Variants in ZNF385D observed in about 807,000 individuals in gnomAD.
ZNF385D encodes the protein zinc finger protein 385D.
A neutral mutation model predicts 35.8 loss-of-function variants in ZNF385D; 15 were observed. That is an observed-to-expected ratio of 0.42 (90% CI 0.28 to 0.64). The LOEUF (loss-of-function observed/expected upper bound fraction) is 0.64, where lower values mean the gene tolerates loss of function less well. Ranked by LOEUF, ZNF385D falls within the 30% of genes least tolerant of loss-of-function variation. The pLI, the probability that ZNF385D is intolerant of heterozygous loss-of-function variation, is 0.23. For missense variants in ZNF385D, 474 were observed against 494.6 expected, an observed-to-expected ratio of 0.96 and a Z score of 0.39; for synonymous variants, 212 against 186.8, an observed-to-expected ratio of 1.13 and a Z score of -1.10.
intron 1 of ZNF385D, among the ~76,000 whole-genome samples, chr3:21,745,295 T>C (rs1031822344): frequency 2.0e-5 from 3 of 152,138 alleles, no homozygotes; most frequent in Non-Finnish European, 2.9e-5. Context: ...AACTGAAAGA[T>C]TGATAAGAAA....
intron 1 of ZNF385D, among the ~76,000 whole-genome samples, chr3:21,701,493 A>T (rs1370060816): frequency 6.6e-6 from 1 of 152,102 alleles, no homozygotes; most frequent in Non-Finnish European, 1.5e-5. Flanking sequence ...TTGGGTGGGG[A>T]CACAGCAAAA....
chr3:21,835,068 CT>C (rs1695243689), intron 3 of ZNF385D, among the ~76,000 whole-genome samples: 2 of 152,104 alleles, frequency 1.3e-5, no homozygotes, highest in South Asian at 4.1e-4. Flanking sequence ...CCTAAATAAA[CT>C]CACTTGTTTA....
chr3:21,907,148 T>C (rs17010055), intron 3 of ZNF385D, among the ~76,000 whole-genome samples: 8,268 of 152,212 alleles, frequency 0.054, 371 homozygotes, highest in South Asian at 0.19. Context: ...AGTCGGGCAA[T>C]CCAATGGTCT....
chr3:21,950,212 G>A (rs1201736015), intron 3 of ZNF385D, among the ~76,000 whole-genome samples: 18 of 151,752 alleles, frequency 1.2e-4, no homozygotes, highest in Admixed American at 3.3e-4. Flanking sequence ...ATCTTCTCCA[G>A]TATCTGTTGT....
chr3:21,798,871 C>T (rs573506869), intron 3 of ZNF385D, among the ~76,000 whole-genome samples: 15 of 152,092 alleles, frequency 9.9e-5, no homozygotes, highest in African/African-American at 3.6e-4. Flanking sequence ...ACTAAATTCA[C>T]AATGTTGTGC....
At chr3:22,194,743 A>T (rs1038663730) in intron 2 of ZNF385D, among the ~76,000 whole-genome samples, 1 of 151,930 alleles carries the variant, frequency 6.6e-6, no homozygotes. Flanking sequence ...TAGGTAGAAT[A>T]AAAAAGTGTG....
At chr3:22,351,291 T>A (rs564831086) in intron 2 of ZNF385D, among the ~76,000 whole-genome samples, 36 of 152,176 alleles carry the variant, frequency 2.4e-4, no homozygotes, top group African/African-American at 8.4e-4. Flanking sequence ...AGCCCCTCCC[T>A]AGAAAGCATA....
chr3:22,339,234 G>C (rs1367361777), intron 2 of ZNF385D, among the ~76,000 whole-genome samples: 2 of 152,038 alleles, frequency 1.3e-5, no homozygotes, highest in Non-Finnish European at 2.9e-5. Context: ...TAATATAAAA[G>C]CTTGCCACCA....
At chr3:21,495,418 T>A (rs2125417967) in intron 4 of ZNF385D, among the ~76,000 whole-genome samples, 1 of 152,108 alleles carries the variant, frequency 6.6e-6, no homozygotes, top group Admixed American at 6.6e-5. Context: ...AACCTTATAG[T>A]TACATGGAAA....
At chr3:22,122,389 C>T (rs1703137699) in intron 3 of ZNF385D, among the ~76,000 whole-genome samples, 1 of 151,890 alleles carries the variant, frequency 6.6e-6, no homozygotes, top group South Asian at 2.1e-4. Context: ...GATCTCATTT[C>T]CCAATAATAG....
At chr3:22,119,832 T>G (rs1005196019) in intron 3 of ZNF385D, among the ~76,000 whole-genome samples, 7 of 151,930 alleles carry the variant, frequency 4.6e-5, no homozygotes, top group African/African-American at 1.4e-4. Flanking sequence ...TACTGCATAT[T>G]AGGTATTGCG....
At chr3:21,931,145 T>C (rs1383748818) in intron 3 of ZNF385D, among the ~76,000 whole-genome samples, 1 of 152,060 alleles carries the variant, frequency 6.6e-6, no homozygotes, top group African/African-American at 2.4e-5. Flanking sequence ...GGAGAAAGGA[T>C]CTGATTGAAA....
At chr3:22,166,904 CA>C (rs1347147886) in intron 3 of ZNF385D, among the ~76,000 whole-genome samples, 11 of 152,336 alleles carry the variant, frequency 7.2e-5, no homozygotes, top group Admixed American at 7.2e-4. Context: ...TTAAAGAAAA[CA>C]ACTTGGAATT....
Position 21,421,454 on chromosome 3 carries a change from G to T in ZNF385D, c.955-7C>A. 6.3e-7 allele frequency: 1 copy of T among 1,594,646 alleles called. No homozygotes were observed. Among genetic ancestry groups the T allele is most frequent in the Non-Finnish European group, 8.6e-7 (1 of 1,166,490 alleles). On this transcript the variant is annotated splice_polypyrimidine_tract_variant and splice_region_variant and intron_variant, in intron 7 of 7. Transcript: ENST00000281523. Reference sequence around the variant, plus strand: ...TTGAAAATACTAATTTTACCTGCAAGGGAGAAAAAATATTGTAAAAAAAAC... The same window carrying T: ...TTGAAAATACTAATTTTACCTGCAATGGAGAAAAAATATTGTAAAAAAAAC...
chr3:22,189,799 A>G (rs1695893694), intron 2 of ZNF385D, among the ~76,000 whole-genome samples: 1 of 152,164 alleles, frequency 6.6e-6, no homozygotes, highest in South Asian at 2.1e-4. Flanking sequence ...CAAAACAGCC[A>G]TTAATAGACA....
At chr3:22,275,594 T>C (rs1469924062) in intron 2 of ZNF385D, among the ~76,000 whole-genome samples, 1 of 152,166 alleles carries the variant, frequency 6.6e-6, no homozygotes, top group Non-Finnish European at 1.5e-5. Context: ...GTTAATATTC[T>C]TATCTAAAAG....
At chr3:21,836,336 C>G (rs991526763) in intron 3 of ZNF385D, among the ~76,000 whole-genome samples, 19 of 152,152 alleles carry the variant, frequency 1.2e-4, no homozygotes, top group Non-Finnish European at 2.6e-4. Flanking sequence ...CTAGCTCTCT[C>G]TTCCCCTCAT....
chr3:21,621,888 T>C (rs2065018025), intron 2 of ZNF385D, among the ~76,000 whole-genome samples: 1 of 151,780 alleles, frequency 6.6e-6, no homozygotes, highest in Non-Finnish European at 1.5e-5. Context: ...TGTGTGTGTG[T>C]GTGTGTGCGT....
chr3:21,700,299 G>A (rs191213777), intron 1 of ZNF385D, among the ~76,000 whole-genome samples: 3 of 152,146 alleles, frequency 2.0e-5, no homozygotes, highest in Admixed American at 6.5e-5. Context: ...GTTTCTAGGG[G>A]AAGAAGCACT....
Sources: gnomAD v4.1 joint callset for allele counts (sites outside exome capture counted in the v4.1 genomes callset) on GRCh38, gnomAD v4.1.1 for gene constraint, MANE v1.5 for transcripts, NCBI Gene and HGNC (gene_info 2026-07-23, HGNC 2026-07-21) for gene names.